The following USP32 variants were observed in gnomAD, a reference collection of about 807,000 sequenced individuals.
The protein encoded by USP32 is ubiquitin specific peptidase 32.
A neutral mutation model predicts 204.8 loss-of-function variants in USP32; 59 were observed. The observed-to-expected ratio is 0.29, with a 90% CI of 0.23 to 0.36. USP32 has a LOEUF of 0.36. Among genes scored for constraint, USP32 ranks in the 10% least tolerant of loss-of-function variants. The probability of loss-of-function intolerance (pLI) is 1.00; values close to 1 mark genes in which losing one functional copy is unlikely to be tolerated. For missense variants in USP32, 1,160 were observed against 1,946.4 expected, an observed-to-expected ratio of 0.60 and a Z score of 7.60; for synonymous variants, 517 against 678.4, an observed-to-expected ratio of 0.76 and a Z score of 3.70.
intron 27 of USP32, among the ~76,000 whole-genome samples, chr17:60,196,459 C>T (rs184188271): frequency 6.6e-6 from 1 of 152,278 alleles, no homozygotes; most frequent in African/African-American, 2.4e-5. Flanking sequence ...AACTGCTTAT[C>T]TATTATTTGC....
chr17:60,273,738 C>T (rs1321937944), intron 5 of USP32, among the ~76,000 whole-genome samples: 2 of 152,052 alleles, frequency 1.3e-5, no homozygotes, highest in Non-Finnish European at 2.9e-5. Context: ...GTGGGTGGAT[C>T]ACTTGAGGTC....
intron 1 of USP32, among the ~76,000 whole-genome samples, chr17:60,398,890 G>GAGAGCACTTGAATCC (rs1238359898): frequency 6.6e-6 from 1 of 152,060 alleles, no homozygotes; most frequent in Non-Finnish European, 1.5e-5. Context: ...CTAAACTGGG[G>GAGAGCACTTGAATCC]AGAGCACTTG....
chr17:60,240,115 T>C (rs1259598573), intron 11 of USP32, among the ~76,000 whole-genome samples: 1 of 152,248 alleles, frequency 6.6e-6, no homozygotes, highest in Non-Finnish European at 1.5e-5. Context: ...TGATTTTAAA[T>C]GTTTGTCTAC....
chr17:60,198,588 C>G (rs1269990108), intron 26 of USP32, 144 bp from the exon 27 acceptor site: 4 of 1,090,040 alleles, frequency 3.7e-6, no homozygotes, highest in Non-Finnish European at 5.1e-6. Context: ...TTTATAAAAC[C>G]ATCTTTATTG....
intron 2 of USP32, among the ~76,000 whole-genome samples, chr17:60,321,729 C>A (rs188418598): frequency 6.6e-6 from 1 of 152,072 alleles, no homozygotes; most frequent in South Asian, 2.1e-4. Context: ...GTAACAACAA[C>A]AAAAAAATTT....
At position 60,222,569 on chromosome 17, in the gene USP32, C is replaced by T. The variant is rs1313472540; in HGVS notation, c.1609-20G>A. 24 of 1,604,700 alleles carry T rather than the reference C, an allele frequency of 1.5e-5. No individual in the cohort carries two copies. In the East Asian group the frequency reaches 1.6e-4, roughly 11 times the overall value. Reference sequence around the variant, plus strand: ...TGTAGCCTGAGAAAGAATAGAATGACAATGTTGACTTTCAATATTACAAAA... The same window carrying T: ...TGTAGCCTGAGAAAGAATAGAATGATAATGTTGACTTTCAATATTACAAAA... On this transcript the variant is annotated intron_variant, in intron 14 of 33. Coordinates refer to ENST00000300896, the MANE Select transcript of USP32 (RefSeq NM_032582.4).
intron 3 of USP32, among the ~76,000 whole-genome samples, chr17:60,300,851 C>T (rs1360564517): frequency 1.3e-5 from 2 of 152,188 alleles, no homozygotes; most frequent in Non-Finnish European, 2.9e-5. Context: ...CTCCATTTCC[C>T]TCTCACCTGA....
intron 2 of USP32, among the ~76,000 whole-genome samples, chr17:60,335,624 G>A (rs1223247048): frequency 1.4e-5 from 2 of 143,232 alleles, no homozygotes; most frequent in South Asian, 2.1e-4. Flanking sequence ...GAAAACATAC[G>A]GTAGTCATGA....
intron 1 of USP32, among the ~76,000 whole-genome samples, chr17:60,353,600 G>C (rs2089002505): frequency 6.6e-6 from 1 of 152,090 alleles, no homozygotes; most frequent in Non-Finnish European, 1.5e-5. Flanking sequence ...AATTAGCCAG[G>C]GATGGTGGTG....
chr17:60,388,438 T>C (rs974455661), intron 1 of USP32, among the ~76,000 whole-genome samples: 2 of 152,054 alleles, frequency 1.3e-5, no homozygotes, highest in Non-Finnish European at 2.9e-5. Flanking sequence ...TCTAAAAGGA[T>C]CTAAAATGCA....
intron 2 of USP32, among the ~76,000 whole-genome samples, chr17:60,309,873 G>A (rs1287967050): frequency 2.0e-5 from 3 of 151,880 alleles, no homozygotes; most frequent in Non-Finnish European, 2.9e-5. Context: ...GTGAAACCCC[G>A]CCTCTACTAA....
intron 1 of USP32, among the ~76,000 whole-genome samples, chr17:60,381,169 T>C (rs1239388086): frequency 6.6e-6 from 1 of 152,164 alleles, no homozygotes; most frequent in African/African-American, 2.4e-5. Context: ...CCAGGCACTG[T>C]AGCCCACACC....
intron 1 of USP32, among the ~76,000 whole-genome samples, chr17:60,346,997 T>C (rs1256014935): frequency 6.6e-6 from 1 of 152,076 alleles, no homozygotes; most frequent in Non-Finnish European, 1.5e-5. Flanking sequence ...AGATAAAAAC[T>C]GCAGGCAGAC....
intron 1 of USP32, among the ~76,000 whole-genome samples, chr17:60,388,512 A>T (rs1194564736): frequency 2.0e-5 from 3 of 152,204 alleles, no homozygotes; most frequent in Non-Finnish European, 4.4e-5. Flanking sequence ...CGTTTTTAAG[A>T]ATACACAAGC....
Position 60,183,304 on chromosome 17 carries a change from CT to C in USP32, c.3983del (p.Gln1328ArgfsTer15). On this transcript the variant is annotated frameshift_variant, in exon 31 of 34. Coordinates refer to ENST00000300896, the MANE Select transcript of USP32 (RefSeq NM_032582.4). LOFTEE classifies it high-confidence loss of function. ...ALCQHKPLTP[Q>X]GDELSEPRIL... is the part of the protein sequence containing the mutation. The stretch of plus-strand genomic sequence containing the variant: ...TCCTGGGCTCAGAGAGCTCATCCCC[CT>C]GGGGTGTGAGTGGTTTATGCTGGCA... 1 of 1,613,984 alleles carries C rather than the reference CT, an allele frequency of 6.2e-7. No homozygotes were observed. Among genetic ancestry groups the C allele is most frequent in the Non-Finnish European group, 8.5e-7 (1 of 1,179,866 alleles).
intron 11 of USP32, among the ~76,000 whole-genome samples, chr17:60,236,563 G>T (rs550170662): frequency 6.6e-5 from 10 of 152,196 alleles, no homozygotes; most frequent in Non-Finnish European, 1.3e-4. Flanking sequence ...AACCAATGAT[G>T]TTCTTCAAAA....
intron 1 of USP32, among the ~76,000 whole-genome samples, chr17:60,408,701 C>T (rs1267587308): frequency 6.6e-6 from 1 of 152,072 alleles, no homozygotes; most frequent in Non-Finnish European, 1.5e-5. Flanking sequence ...TTTTATATAA[C>T]AAAGTTGTGA....
At chr17:60,247,916 C>T (rs565369383) in intron 11 of USP32, among the ~76,000 whole-genome samples, 19 of 152,194 alleles carry the variant, frequency 1.2e-4, no homozygotes, top group African/African-American at 3.9e-4. Context: ...AACCTCCTGA[C>T]GTCATGATCC....
chr17:60,332,537 A>G (rs1245391595), intron 2 of USP32, among the ~76,000 whole-genome samples: 1 of 151,882 alleles, frequency 6.6e-6, no homozygotes. Context: ...GATCCCAGCT[A>G]CTCGGGAAGC....
Sources: gnomAD v4.1 joint callset for allele counts (sites outside exome capture counted in the v4.1 genomes callset) on GRCh38, gnomAD v4.1.1 for gene constraint, MANE v1.5 for transcripts, NCBI Gene and HGNC (gene_info 2026-07-23, HGNC 2026-07-21) for gene names.